ESR1: variants seen among roughly 807,000 people sequenced by gnomAD.
ESR1 encodes estrogen receptor.
A neutral mutation model predicts 52.7 loss-of-function variants in ESR1; 12 were observed. That is an observed-to-expected ratio of 0.23 (90% CI 0.15 to 0.37). ESR1 has a LOEUF of 0.37. Among genes scored for constraint, ESR1 ranks in the 10% least tolerant of loss-of-function variants. ESR1 has a pLI of 1.00. For missense variants in ESR1, 584 were observed against 779.7 expected, an observed-to-expected ratio of 0.75 and a Z score of 2.99; for synonymous variants, 305 against 316.8, an observed-to-expected ratio of 0.96 and a Z score of 0.39.
At chr6:151,771,290 A>G (rs969899465) in intron 2 of ESR1, among the ~76,000 whole-genome samples, 1 of 152,196 alleles carries the variant, frequency 6.6e-6, no homozygotes, top group African/African-American at 2.4e-5. Flanking sequence ...TGTAATTGAA[A>G]GCGTTTATCC....
At chr6:152,087,563 A>G (rs2049837425) in intron 6 of ESR1, among the ~76,000 whole-genome samples, 1 of 152,168 alleles carries the variant, frequency 6.6e-6, no homozygotes, top group Non-Finnish European at 1.5e-5. Context: ...TCAGGGACTC[A>G]GGCTGTTGAG....
intron 3 of ESR1, among the ~76,000 whole-genome samples, chr6:151,943,200 G>A (rs145155417): frequency 7.2e-4 from 109 of 152,060 alleles, no homozygotes; most frequent in African/African-American, 2.4e-3. Flanking sequence ...CTAACACGGC[G>A]AAACCCCGTC....
intron 2 of ESR1, among the ~76,000 whole-genome samples, chr6:151,735,892 G>A (rs957424586): frequency 1.3e-5 from 2 of 152,082 alleles, no homozygotes; most frequent in African/African-American, 4.8e-5. Context: ...AATAGTGAGT[G>A]AGTTATCATG....
chr6:151,956,843 A>AATAAATAT (rs1554293623), intron 4 of ESR1, among the ~76,000 whole-genome samples: 1,094 of 44,452 alleles, frequency 0.025, 9 homozygotes, highest in Non-Finnish European at 0.049. Context: ...AATATAAATA[A>AATAAATAT]ATATATATAT....
intron 5 of ESR1, among the ~76,000 whole-genome samples, chr6:152,044,773 G>A (rs1470683011): frequency 2.6e-5 from 4 of 152,156 alleles, no homozygotes; most frequent in African/African-American, 9.7e-5. Flanking sequence ...CATGCTGGCA[G>A]CTGATTAGAT....
chr6:151,870,730 T>C (rs1790792865), intron 2 of ESR1, among the ~76,000 whole-genome samples: 1 of 152,202 alleles, frequency 6.6e-6, no homozygotes, highest in African/African-American at 2.4e-5. Context: ...GCATGTGGGT[T>C]CTGCTGCTAC....
intron 2 of ESR1, among the ~76,000 whole-genome samples, chr6:151,711,228 T>C (rs1465181109): frequency 6.6e-6 from 1 of 151,818 alleles, no homozygotes; most frequent in Non-Finnish European, 1.5e-5. Context: ...TCCTGACTTT[T>C]TTTTTTTTTT....
At chr6:152,068,235 G>T (rs559917771) in intron 6 of ESR1, among the ~76,000 whole-genome samples, 1 of 152,336 alleles carries the variant, frequency 6.6e-6, no homozygotes, top group East Asian at 1.9e-4. Context: ...CCATCATTTG[G>T]ATTTGGCAGG....
chr6:151,908,163 A>G (rs1243316266), intron 3 of ESR1, among the ~76,000 whole-genome samples: 3 of 152,062 alleles, frequency 2.0e-5, no homozygotes, highest in African/African-American at 7.2e-5. Flanking sequence ...AAAAACTTTG[A>G]TATTCTTATA....
At chr6:151,709,907 C>T (rs1230269426) in intron 2 of ESR1, among the ~76,000 whole-genome samples, 1 of 151,198 alleles carries the variant, frequency 6.6e-6, no homozygotes, top group Admixed American at 6.6e-5. Flanking sequence ...AGAGTCTTCC[C>T]ACCTCCTATT....
chr6:151,883,294 GT>G (rs34141432), intron 3 of ESR1, among the ~76,000 whole-genome samples: 111,293 of 147,024 alleles, frequency 0.76, 42,474 homozygotes, highest in African/African-American at 0.85. Flanking sequence ...TAATTTTTGT[GT>G]TTTTTTTTTT....
intron 2 of ESR1, among the ~76,000 whole-genome samples, chr6:151,851,230 T>A (rs1786638037): frequency 6.6e-6 from 1 of 152,220 alleles, no homozygotes; most frequent in Non-Finnish European, 1.5e-5. Flanking sequence ...CTTTCCAGAT[T>A]TACCTGTAAA....
At chr6:152,034,460 T>C (rs2045085918) in intron 5 of ESR1, among the ~76,000 whole-genome samples, 1 of 152,184 alleles carries the variant, frequency 6.6e-6, no homozygotes, top group Non-Finnish European at 1.5e-5. Flanking sequence ...ACATCCTTTA[T>C]TTCTGTCACT....
chr6:151,685,871 TA>T (rs1183722970), upstream of ESR1, among the ~76,000 whole-genome samples: 3 of 152,182 alleles, frequency 2.0e-5, no homozygotes, highest in African/African-American at 7.2e-5. Flanking sequence ...AAGCAGATTT[TA>T]AAAGCCTTTC....
chr6:151,882,207 A>C (rs1262954806), intron 3 of ESR1, among the ~76,000 whole-genome samples: 1 of 152,174 alleles, frequency 6.6e-6, no homozygotes, highest in African/African-American at 2.4e-5. Context: ...GATTGTTAAC[A>C]AGCTTACAGT....
intron 3 of ESR1, among the ~76,000 whole-genome samples, chr6:151,899,520 G>A (rs1345554095): frequency 7.4e-4 from 109 of 146,560 alleles, no homozygotes; most frequent in African/African-American, 2.1e-3. Flanking sequence ...CTGGCCGGGC[G>A]GGGGGCTGAC....
intron 6 of ESR1, among the ~76,000 whole-genome samples, chr6:152,123,814 C>T (rs934131927): frequency 2.0e-5 from 3 of 152,098 alleles, no homozygotes; most frequent in Non-Finnish European, 4.4e-5. Context: ...ATAATATGAG[C>T]GTGTGAAAGC....
chr6:151,757,950 G>T (rs1285459182), intron 2 of ESR1, among the ~76,000 whole-genome samples: 1 of 152,154 alleles, frequency 6.6e-6, no homozygotes, highest in African/African-American at 2.4e-5. Context: ...TGAATGTACG[G>T]GAGTATTTAC....
rs1194722989 is a variant in ESR1 at position 151,814,755 on chromosome 6, G to A, written c.452+6391G>A. 2.0e-5 allele frequency among the ~76,000 whole-genome samples: 3 copies of A among 152,270 alleles called. No homozygotes were observed. In the East Asian group the frequency reaches 5.8e-4, roughly 29 times the overall value. On this transcript the variant is annotated intron_variant, in intron 1 of 7. Transcript: ENST00000206249. ...TATTCCAAATTGAGTCATTCATTGA[G>A]GGCTTAGACTATATAAAGTGTGGTT...
Sources: gnomAD v4.1 joint callset for allele counts (sites outside exome capture counted in the v4.1 genomes callset) on GRCh38, gnomAD v4.1.1 for gene constraint, MANE v1.5 for transcripts, NCBI Gene and HGNC (gene_info 2026-07-23, HGNC 2026-07-21) for gene names.